ANK1: variants seen among roughly 807,000 people sequenced by gnomAD.
The protein encoded by ANK1 is ankyrin-1.
Under a neutral mutation model 210.4 loss-of-function variants are expected in ANK1, and 51 were observed. The ratio of observed to expected loss-of-function variants is 0.24; its 90% CI spans 0.19 to 0.31. ANK1 has a LOEUF of 0.31. Among genes scored for constraint, ANK1 ranks in the 10% least tolerant of loss-of-function variants. The pLI is 1.00. For synonymous variants in ANK1, 967 were observed against 1,025.9 expected, an observed-to-expected ratio of 0.94 and a Z score of 1.10; for missense variants, 2,051 against 2,504.4, an observed-to-expected ratio of 0.82 and a Z score of 3.86.
At chr8:41,688,085 A>G (rs1818189805) in intron 35 of ANK1, 71 bp downstream of exon 35, 2 of 1,512,672 alleles carry the variant, frequency 1.3e-6, no homozygotes, top group South Asian at 1.1e-5. Context: ...TGCCTCATTC[A>G]TTGCTCATTA....
intron 1 of ANK1, among the ~76,000 whole-genome samples, chr8:41,879,931 T>G (rs1817289921): frequency 6.6e-6 from 1 of 152,228 alleles, no homozygotes; most frequent in African/African-American, 2.4e-5. Flanking sequence ...ATTACCAGAT[T>G]CATTCATTCA....
At chr8:41,702,881 G>A (rs143446127) in intron 20 of ANK1, among the ~76,000 whole-genome samples, 5,446 of 152,238 alleles carry the variant, frequency 0.036, 177 homozygotes, top group African/African-American at 0.089. Flanking sequence ...GTGCAGTGGC[G>A]TGATCTAGGC....
At chr8:41,698,191 C>T in intron 23 of ANK1, 70 bp from the exon 24 acceptor site, 1 of 1,500,534 alleles carries the variant, frequency 6.7e-7, no homozygotes, top group Non-Finnish European at 9.2e-7. Flanking sequence ...TTCCTCTTGC[C>T]TCCAAGCCTC....
At chr8:41,774,470 T>G (rs1240071941) in intron 1 of ANK1, among the ~76,000 whole-genome samples, 1 of 152,190 alleles carries the variant, frequency 6.6e-6, no homozygotes. Context: ...ACTGTCCTCT[T>G]CTGGGCAGGG....
intron 2 of ANK1, among the ~76,000 whole-genome samples, chr8:41,748,589 C>G (rs186474909): frequency 6.6e-6 from 1 of 152,304 alleles, no homozygotes; most frequent in East Asian, 1.9e-4. Flanking sequence ...CAGTTCTGTA[C>G]TCGGAGACTT....
At chr8:41,883,940 G>A (rs913452014) in intron 1 of ANK1, among the ~76,000 whole-genome samples, 2 of 152,196 alleles carry the variant, frequency 1.3e-5, no homozygotes, top group Admixed American at 1.3e-4. Context: ...AGAGGGAGTG[G>A]CACTGGAGGG....
intron 1 of ANK1, among the ~76,000 whole-genome samples, chr8:41,792,377 A>T (rs1225541335): frequency 2.0e-5 from 3 of 152,196 alleles, no homozygotes; most frequent in East Asian, 3.8e-4. Flanking sequence ...GCCAGCTTGC[A>T]AATTTATTTT....
chr8:41,836,117 C>G (rs1270814515), intron 1 of ANK1, among the ~76,000 whole-genome samples: 2 of 152,236 alleles, frequency 1.3e-5, no homozygotes, highest in Non-Finnish European at 2.9e-5. Flanking sequence ...TCAGAGGCCC[C>G]AGCAAGTCAC....
intron 37 of ANK1, among the ~76,000 whole-genome samples, chr8:41,673,836 A>G (rs1585947595): frequency 6.6e-6 from 1 of 152,180 alleles, no homozygotes; most frequent in African/African-American, 2.4e-5. Flanking sequence ...AGATTCTCCA[A>G]TGGGCTTGGC....
chr8:41,758,005 G>A (rs369938635), intron 2 of ANK1, 31 bp downstream of exon 2: 2 of 1,583,236 alleles, frequency 1.3e-6, no homozygotes, highest in African/African-American at 1.3e-5. Context: ...CTACTCTTCA[G>A]AGACAACAGG....
intron 39 of ANK1, chr8:41,665,168 G>GTCTC (rs1266345815): frequency 9.1e-6 from 14 of 1,534,332 alleles, no homozygotes; most frequent in Non-Finnish European, 1.7e-6. Context: ...TGCTCTCTTG[G>GTCTC]TCTCTCACTG....
intron 42 of ANK1, among the ~76,000 whole-genome samples, chr8:41,660,730 T>G (rs1275193288): frequency 6.6e-6 from 1 of 152,150 alleles, no homozygotes; most frequent in Admixed American, 6.5e-5. Flanking sequence ...AAGCACGTCG[T>G]CCACCCCTTA....
intron 3 of ANK1, among the ~76,000 whole-genome samples, chr8:41,730,456 T>C (rs1478846004): frequency 6.6e-6 from 1 of 151,770 alleles, no homozygotes; most frequent in Admixed American, 6.6e-5. Context: ...TCTTTCTTTT[T>C]TTTTTTTTTT....
intron 1 of ANK1, among the ~76,000 whole-genome samples, chr8:41,792,950 A>G (rs1023868778): frequency 1.3e-5 from 2 of 152,246 alleles, no homozygotes; most frequent in African/African-American, 2.4e-5. Flanking sequence ...AGTGCCAAGG[A>G]CACAGCAGTG....
chr8:41,698,173 A>G (rs1322940652), intron 23 of ANK1, 52 bp from the exon 24 acceptor site: 3 of 1,579,774 alleles, frequency 1.9e-6, no homozygotes, highest in South Asian at 2.2e-5. Flanking sequence ...ATGTGCACAC[A>G]GCTCCTCTTC....
chr8:41,764,231 A>G (rs1467574855), intron 1 of ANK1, among the ~76,000 whole-genome samples: 1 of 152,052 alleles, frequency 6.6e-6, no homozygotes, highest in Non-Finnish European at 1.5e-5. Flanking sequence ...GCCAGGCAAT[A>G]TTTCAGCTAC....
intron 1 of ANK1, among the ~76,000 whole-genome samples, chr8:41,792,322 C>G (rs1343398525): frequency 6.6e-6 from 1 of 152,198 alleles, no homozygotes; most frequent in Non-Finnish European, 1.5e-5. Context: ...TGAGAAACCT[C>G]GTCCGGCAGG....
chr8:41,788,014 C>T (rs997057919), intron 1 of ANK1, among the ~76,000 whole-genome samples: 4 of 152,330 alleles, frequency 2.6e-5, no homozygotes, highest in Middle Eastern at 3.4e-3. Context: ...TTCAGAATCT[C>T]TCAACACAGC....
At chr8:41,796,497 T>C (rs1287558862) in intron 1 of ANK1, among the ~76,000 whole-genome samples, 1 of 146,656 alleles carries the variant, frequency 6.8e-6, no homozygotes, top group Non-Finnish European at 1.5e-5. Flanking sequence ...TTGCCGCTGG[T>C]GGAACTAAAG....
Sources: gnomAD v4.1 joint callset for allele counts (sites outside exome capture counted in the v4.1 genomes callset) on GRCh38, gnomAD v4.1.1 for gene constraint, MANE v1.5 for transcripts, NCBI Gene and HGNC (gene_info 2026-07-23, HGNC 2026-07-21) for gene names.